Variants in EIF2AK1 observed in about 807,000 individuals in gnomAD.
EIF2AK1 encodes eukaryotic translation initiation factor 2-alpha kinase 1.
Under a neutral mutation model 77.9 loss-of-function variants are expected in EIF2AK1, and 54 were observed. The ratio of observed to expected loss-of-function variants is 0.69; its 90% confidence interval spans 0.56 to 0.87. The LOEUF (loss-of-function observed/expected upper bound fraction) is 0.87, where lower values mean the gene tolerates loss of function less well. Ranked by LOEUF, EIF2AK1 falls within the 40% of genes least tolerant of loss-of-function variation. The pLI is 0.00. For missense variants in EIF2AK1, 810 were observed against 768.6 expected (o/e 1.05, Z -0.64); for synonymous variants, 314 against 290.5 (o/e 1.08, Z -0.82).
intron 12 of EIF2AK1, 56 bp from the exon 13 acceptor site, chr7:6,028,753 G>T: frequency 1.3e-6 from 2 of 1,553,286 alleles, no homozygotes; most frequent in Non-Finnish European, 1.8e-6. Context: ...CAACATTAAA[G>T]AACATTTACT....
At chr7:6,040,361 A>G (rs942135776) in intron 9 of EIF2AK1, among the ~76,000 whole-genome samples, 3 of 152,092 alleles carry the variant, frequency 2.0e-5, no homozygotes, top group African/African-American at 7.2e-5. Flanking sequence ...CCTAATGTTC[A>G]TGTTTTTAAT....
In EIF2AK1 at chr7:6,054,661, T is replaced by A; in HGVS notation, c.162A>T (p.Leu54=). ...PAEIQVLKEP[L]QQPTFPFAVA... is the part of the protein sequence containing the mutation. Reference sequence around the variant, plus strand: ...CTGCAAAAGGGAAGGTTGGCTGTTGTAGGGGTTCTTTTAACACCTGGATTT... The same window carrying A: ...CTGCAAAAGGGAAGGTTGGCTGTTGAAGGGGTTCTTTTAACACCTGGATTT... The change falls in exon 2 of 15, where the codon CTA becomes CTT. Residue 54 remains leucine, a synonymous_variant. Transcript: ENST00000199389. The A allele has an allele frequency of 1.2e-6, 2 of 1,614,186 alleles. No homozygotes were observed. Among genetic ancestry groups the A allele is most frequent in the Non-Finnish European group, 1.7e-6 (2 of 1,180,026 alleles).
At chr7:6,053,143 T>A (rs1304278722) in intron 2 of EIF2AK1, among the ~76,000 whole-genome samples, 1 of 152,192 alleles carries the variant, frequency 6.6e-6, no homozygotes, top group Non-Finnish European at 1.5e-5. Context: ...AATTTTTGTA[T>A]ACCAGACGCT....
chr7:6,023,955 G>T lies in EIF2AK1; in HGVS notation c.*718C>A, dbSNP rs1787660083. On this transcript the variant is annotated 3_prime_UTR_variant, in exon 15 of 15. Coordinates refer to ENST00000199389, the MANE Select transcript of EIF2AK1 (RefSeq NM_014413.4). Reference sequence around the variant, plus strand: ...AATTCATCAGATCGCTGCCTCTGAGGGATGTACAGATTGGCTGGGGAGCTG... The same window carrying T: ...AATTCATCAGATCGCTGCCTCTGAGTGATGTACAGATTGGCTGGGGAGCTG... 1 of 1,409,356 alleles carries T rather than the reference G, an allele frequency of 7.1e-7. No homozygotes were observed. 87.3% of individuals were successfully genotyped at this position (1,409,356 alleles called of 1,614,324 possible).
chr7:6,026,442 C>T (rs1358156648), intron 14 of EIF2AK1: 7 of 592,758 alleles, frequency 1.2e-5, no homozygotes, highest in Middle Eastern at 2.6e-4. Context: ...TACCGGCCTT[C>T]GCTGTGGGGT....
chr7:6,029,523 T>C (rs1787841004), intron 11 of EIF2AK1, among the ~76,000 whole-genome samples: 1 of 151,416 alleles, frequency 6.6e-6, no homozygotes, highest in Non-Finnish European at 1.5e-5. Context: ...CATTCAACCA[T>C]TCCCCAGGCC....
intron 2 of EIF2AK1, among the ~76,000 whole-genome samples, chr7:6,051,092 C>T (rs2128891454): frequency 6.6e-6 from 1 of 152,196 alleles, no homozygotes; most frequent in South Asian, 2.1e-4. Flanking sequence ...ATGATGAGAA[C>T]TTACAACAAA....
At chr7:6,026,465 C>T (rs1278207866) in intron 14 of EIF2AK1, 3 of 629,418 alleles carry the variant, frequency 4.8e-6, no homozygotes, top group South Asian at 1.5e-5. Context: ...GCCCCCAGCC[C>T]TCCGCTCCTC....
At chr7:6,043,126 T>C (rs1788344161) in intron 7 of EIF2AK1, 133 bp from the exon 8 acceptor site, 4 of 864,836 alleles carry the variant, frequency 4.6e-6, no homozygotes, top group Non-Finnish European at 7.2e-6. Flanking sequence ...TCTGGCAAAA[T>C]ACAAAAAGTT....
chr7:6,056,613 A>AATATATATATATATATATATATATATAT (rs71008353), intron 1 of EIF2AK1, among the ~76,000 whole-genome samples: 1 of 43,724 alleles, frequency 2.3e-5, no homozygotes, highest in Non-Finnish European at 4.7e-5. Context: ...AAAAAAAAAA[A>AATATATATATATATATATATATATATAT]ATATATATAT....
At position 6,023,830 on chromosome 7, in the gene EIF2AK1, A is replaced by G; in HGVS notation, c.*843T>C. On this transcript the variant is annotated 3_prime_UTR_variant, in exon 15 of 15. Coordinates refer to ENST00000199389, the MANE Select transcript of EIF2AK1 (RefSeq NM_014413.4). ...CAAGTGTCAATAAAAGCATCATGTA[A>G]TTTATGGTTTTCATTTTATTTAAAA... 1 of 1,557,918 alleles carries G rather than the reference A, an allele frequency of 6.4e-7. No homozygotes were observed. Among genetic ancestry groups the G allele is most frequent in the Middle Eastern group, 1.7e-4 (1 of 5,992 alleles).
At position 6,035,122 on chromosome 7, in the gene EIF2AK1, GCA is replaced by G; in HGVS notation, c.1332+2300_1332+2301del. ...AAGGGACACAGCCCTAGCGGGGACG[GCA>G]CAGGTAAAACAGGCTGCTCCAAGAA... On this transcript the variant is annotated intron_variant, in intron 11 of 14. Transcript: ENST00000199389. The surrounding 1 kb of genome is among the most constrained non-coding windows in gnomAD (Gnocchi z 5.5). Among the ~76,000 whole-genome samples, 1 of 152,194 alleles carries G rather than the reference GCA, an allele frequency of 6.6e-6. No homozygotes were observed. The highest frequency in any genetic ancestry group is 6.5e-5 in the Admixed American group (1 of 15,280).
chr7:6,041,267 A>G, intron 8 of EIF2AK1, 48 bp from the exon 9 acceptor site: 9 of 1,540,326 alleles, frequency 5.8e-6, no homozygotes, highest in Non-Finnish European at 7.8e-6. Context: ...GGCCGAGCAC[A>G]GTGGCTCATG....
chr7:6,032,715 C>T lies in EIF2AK1; in HGVS notation c.1333-3683G>A. On this transcript the variant is annotated intron_variant, in intron 11 of 14. Coordinates refer to ENST00000199389, the MANE Select transcript of EIF2AK1 (RefSeq NM_014413.4). The surrounding 1 kb of genome is among the most constrained non-coding windows in gnomAD (Gnocchi z 4.3). ...AGAAAGGAAACTTTCAATGCACATA[C>T]CAGAAAAAGAGTGAGCCAATGAGAC... The T allele has an allele frequency of 1.5e-6, 1 of 684,514 alleles. No homozygotes were observed. The highest frequency in any genetic ancestry group is 2.4e-6 in the Non-Finnish European group (1 of 418,112). The allele number at this position is 684,514 out of a possible 1,614,324, so 42.4% of individuals were successfully genotyped here. A position where few individuals can be genotyped will look rare whatever the true frequency, so the allele number is the denominator to read the frequency against.
At chr7:6,048,066 TTAATG>T (rs1483727688) in intron 4 of EIF2AK1, 5 of 152,210 alleles carry the variant, frequency 3.3e-5, no homozygotes, top group African/African-American at 1.2e-4. Flanking sequence ...GATTTTTATT[TTAATG>T]TAGAGTGCTT....
chr7:6,026,870 C>G lies in EIF2AK1; in HGVS notation c.1622G>C (p.Arg541Thr), dbSNP rs767750021. Residue 541 changes from arginine (R) to threonine (T), a missense_variant, in exon 14 of 15, where the codon AGA becomes ACA. Physicochemically the swap from Arg to Thr is moderately conservative, Grantham distance 71. Coordinates refer to ENST00000199389, the MANE Select transcript of EIF2AK1 (RefSeq NM_014413.4). ...GAGGGATTCCGGCAACTGACCAGTT[C>G]TTAAACCTGTTAGAACTTCTGCTCG... Reference protein sequence around the residue: ...MERAEVLTGLRTGQLPESLRK... With the variant: ...MERAEVLTGLTTGQLPESLRK... 6.2e-6 allele frequency: 10 copies of G among 1,614,020 alleles called. No individual in the cohort carries two copies. Among genetic ancestry groups the G allele is most frequent in the Non-Finnish European group, 8.5e-6 (10 of 1,180,042 alleles).
intron 9 of EIF2AK1, 24 bp downstream of exon 9, chr7:6,040,868 G>C: frequency 6.3e-7 from 1 of 1,598,262 alleles, no homozygotes. Context: ...GGCCAAATTA[G>C]GAGGGTCTGG....
At position 6,023,799 on chromosome 7, in the gene EIF2AK1, A is replaced by G; in HGVS notation, c.*874T>C. On this transcript the variant is annotated 3_prime_UTR_variant, in exon 15 of 15. Transcript: ENST00000199389. ...GAGTCAGAGTCTTTTTATTTAGGCC[A>G]GTTGTCAAGTGTCAATAAAAGCATC... The G allele has an allele frequency of 6.3e-7, 1 of 1,585,896 alleles. No homozygotes were observed. Among genetic ancestry groups the G allele is most frequent in the East Asian group, 2.3e-5 (1 of 44,226 alleles).
At position 6,036,284 on chromosome 7, in the gene EIF2AK1, G is replaced by A. The variant is rs546368230; in HGVS notation, c.1332+1140C>T. The A allele has an allele frequency of 6.5e-7, 1 of 1,549,362 alleles. No individual in the cohort carries two copies. The highest frequency in any genetic ancestry group is 1.2e-5 in the South Asian group (1 of 83,936). On this transcript the variant is annotated intron_variant, in intron 11 of 14. Transcript: ENST00000199389. This position sits in a 1 kb window ranked among gnomAD's most constrained non-coding sequence, Gnocchi z 4.6. The stretch of plus-strand genomic sequence containing the variant: ...AGGGTATCTGCAAAAGAAACATCAG[G>A]AATATTTATGGTGAGAAATACAAAC...
Sources: allele counts gnomAD v4.1 joint callset (sites outside exome capture counted in the v4.1 genomes callset), GRCh38; gene constraint gnomAD v4.1.1; non-coding constraint Gnocchi (gnomAD v3.1); transcripts MANE v1.5; gene names NCBI Gene and HGNC (gene_info 2026-07-23, HGNC 2026-07-21).